MYO9B: variants seen among roughly 807,000 people sequenced by gnomAD.
MYO9B encodes the protein unconventional myosin-IXb.
A neutral mutation model predicts 229.5 loss-of-function variants in MYO9B; 71 were observed. The ratio of observed to expected loss-of-function variants is 0.31; its 90% confidence interval spans 0.26 to 0.38. The LOEUF is 0.38. Among genes scored for constraint, MYO9B ranks in the 10% least tolerant of loss-of-function variants. The pLI is 1.00. For missense variants in MYO9B, 2,255 were observed against 2,920.5 expected (o/e 0.77, Z 5.25); for synonymous variants, 1,185 against 1,235.8 (o/e 0.96, Z 0.86).
At chr19:17,137,013 T>C (rs933862552) in intron 2 of MYO9B, among the ~76,000 whole-genome samples, 2 of 152,128 alleles carry the variant, frequency 1.3e-5, no homozygotes, top group Non-Finnish European at 2.9e-5. Context: ...GCAGATCACC[T>C]GAGGTCAGAA....
intron 28 of MYO9B, among the ~76,000 whole-genome samples, chr19:17,202,639 C>A (rs893163291): frequency 1.3e-5 from 2 of 152,224 alleles, no homozygotes; most frequent in Non-Finnish European, 2.9e-5. Flanking sequence ...ACACCTACCT[C>A]CTGGTGGGGA....
intron 14 of MYO9B, among the ~76,000 whole-genome samples, chr19:17,178,740 AGG>A (rs1261425212): frequency 6.6e-6 from 1 of 152,044 alleles, no homozygotes; most frequent in Non-Finnish European, 1.5e-5. Context: ...CCCTTAAACT[AGG>A]GTTTCTCTGG....
chr19:17,190,207 G>T (rs184202537), intron 19 of MYO9B, among the ~76,000 whole-genome samples: 2 of 151,938 alleles, frequency 1.3e-5, no homozygotes, highest in Non-Finnish European at 2.9e-5. Context: ...GTGTGTGATG[G>T]GGGTGGTGCA....
intron 2 of MYO9B, among the ~76,000 whole-genome samples, chr19:17,107,069 A>T (rs759387524): frequency 6.6e-6 from 1 of 151,916 alleles, no homozygotes; most frequent in Non-Finnish European, 1.5e-5. Context: ...TCTCAAAATT[A>T]AAAATAAAAA....
At position 17,198,933 on chromosome 19, in the gene MYO9B, G is replaced by C. The variant is rs1394366341; in HGVS notation, c.4238+625G>C. Among the ~76,000 whole-genome samples, 4 of 152,088 alleles carry C rather than the reference G, an allele frequency of 2.6e-5. No homozygotes were observed. The South Asian group carries it at 6.2e-4, about 24-fold the overall frequency. On this transcript the variant is annotated intron_variant, in intron 24 of 39. Transcript: ENST00000682292. ...GACACGTGGCTGAATGGATGCAGTAGGTCACGCCTGTAATCTCAACACTTT... is the reference window on the plus strand; with the variant it reads ...GACACGTGGCTGAATGGATGCAGTACGTCACGCCTGTAATCTCAACACTTT...
At position 17,200,793 on chromosome 19, in the gene MYO9B, T is replaced by C. The variant is rs1355940312; in HGVS notation, c.4527T>C (p.Asn1509=). The C allele has an allele frequency of 6.2e-7, 1 of 1,613,880 alleles. No individual in the cohort carries two copies. The highest frequency in any genetic ancestry group is 2.2e-5 in the East Asian group (1 of 44,880). The change falls in exon 26 of 40, where the codon AAT becomes AAC. Residue 1509 remains asparagine (N), a synonymous_variant. Transcript: ENST00000682292. Reference sequence around the variant, plus strand: ...TGTTCCGCCAGATCACCAACGCCAATGAGCTCAAGTACCTGGACGAGTTCC... The same window carrying C: ...TGTTCCGCCAGATCACCAACGCCAACGAGCTCAAGTACCTGGACGAGTTCC... The part of the protein sequence containing the change: ...ESVFRQITNA[N]ELKYLDEFLL...
intron 2 of MYO9B, among the ~76,000 whole-genome samples, chr19:17,103,984 A>T (rs2057769804): frequency 1.3e-5 from 2 of 150,514 alleles, no homozygotes; most frequent in South Asian, 4.2e-4. Context: ...TGAACCCGGT[A>T]GGTGGAGGTT....
intron 2 of MYO9B, among the ~76,000 whole-genome samples, chr19:17,111,833 A>G (rs934276060): frequency 2.0e-5 from 3 of 152,082 alleles, no homozygotes; most frequent in Non-Finnish European, 4.4e-5. Flanking sequence ...TCCTGTCTCT[A>G]TGGATCTGCC....
chr19:17,196,302 T>C (rs2073042581), intron 22 of MYO9B, among the ~76,000 whole-genome samples: 1 of 151,280 alleles, frequency 6.6e-6, no homozygotes, highest in African/African-American at 2.4e-5. Flanking sequence ...ATACACATGA[T>C]GGATGAAGGG....
chr19:17,152,178 C>CTG (rs2072484068), intron 3 of MYO9B, among the ~76,000 whole-genome samples: 1 of 132,112 alleles, frequency 7.6e-6, no homozygotes. Flanking sequence ...CAGAGTAAGA[C>CTG]TCCATCACAA....
rs775228534 is a variant in MYO9B at position 17,194,874 on chromosome 19, G to A, written c.3447G>A (p.Glu1149=). The part of the protein sequence containing the change: ...EKVPSSREKR[E]SRRQRGLEHV... ...TCCCCAGCAGCCGGGAGAAGCGTGA[G>A]TCGCGTCGGCAAAGAGGGCTGGAGC... The change falls in exon 22 of 40, where the codon GAG becomes GAA. Residue 1149 remains glutamate, a synonymous_variant. Transcript: ENST00000682292. 28 of 1,613,338 alleles carry A rather than the reference G, an allele frequency of 1.7e-5. No individual in the cohort carries two copies. In the South Asian group the frequency reaches 3.1e-4, roughly 18 times the overall value.
intron 29 of MYO9B, 106 bp downstream of exon 29, chr19:17,202,989 G>T (rs1568300994): frequency 3.5e-6 from 5 of 1,437,946 alleles, no homozygotes; most frequent in Admixed American, 2.0e-5. Context: ...GCACGCGTAT[G>T]TGTGCGTGGA....
chr19:17,207,728 T>G (rs1024394545), intron 35 of MYO9B: 1 of 151,638 alleles, frequency 6.6e-6, no homozygotes, highest in African/African-American at 2.4e-5. Flanking sequence ...ATACAAAAAT[T>G]AGGCTGGACG....
At chr19:17,089,906 C>T (rs184225532) in intron 1 of MYO9B, among the ~76,000 whole-genome samples, 1 of 152,150 alleles carries the variant, frequency 6.6e-6, no homozygotes, top group African/African-American at 2.4e-5. Context: ...AAGGAAACCC[C>T]GTCCCCATTA....
chr19:17,210,288 T>C (rs1161951268), intron 36 of MYO9B, 45 bp from the exon 37 acceptor site: 4 of 1,534,614 alleles, frequency 2.6e-6, no homozygotes, highest in Non-Finnish European at 3.5e-6. Context: ...CATGCCTGTG[T>C]CTGTCTTGGC....
At position 17,193,140 on chromosome 19, in the gene MYO9B, T is replaced by C. The variant is rs2073005137; in HGVS notation, c.3128+78T>C. ...ACTCACCAAATTGCTGCCCGTGATA[T>C]ACCATCTGGCCTGTGGCACTAAGGG... is the stretch of plus-strand genomic sequence containing the variant. On this transcript the variant is annotated intron_variant, in intron 21 of 39. Coordinates refer to ENST00000682292, the MANE Select transcript of MYO9B (RefSeq NM_004145.4). This position sits in a 1 kb window ranked among gnomAD's most constrained non-coding sequence, Gnocchi z 4.3. 7.2e-7 allele frequency: 1 copy of C among 1,380,882 alleles called. No individual in the cohort carries two copies. Among genetic ancestry groups the C allele is most frequent in the Non-Finnish European group, 9.5e-7 (1 of 1,052,858 alleles). 85.5% of individuals were successfully genotyped at this position (1,380,882 alleles called of 1,614,324 possible). A position where few individuals can be genotyped will look rare whatever the true frequency, so the allele number is the denominator to read the frequency against.
chr19:17,091,165 G>A lies in MYO9B; in HGVS notation c.-58-10495G>A, dbSNP rs111492104. Among the ~76,000 whole-genome samples the A allele has an allele frequency of 5.8e-3, 891 of 152,328 alleles. 7 individuals are homozygous for A. Among genetic ancestry groups the A allele is most frequent in the African/African-American group, 0.02 (842 of 41,576 alleles). On this transcript the variant is annotated intron_variant, in intron 1 of 39. Coordinates refer to ENST00000682292, the MANE Select transcript of MYO9B (RefSeq NM_004145.4). ...GAGGCTCCCCAATCCAGGGAGGGAA[G>A]GATTCTTTCACAAAAGGCATGAAAA...
chr19:17,205,674 A>T (rs1460725754), intron 31 of MYO9B, among the ~76,000 whole-genome samples: 1 of 152,054 alleles, frequency 6.6e-6, no homozygotes, highest in Admixed American at 6.5e-5. Context: ...GTCAGGGTCT[A>T]CTTCTGTGAG....
intron 2 of MYO9B, among the ~76,000 whole-genome samples, chr19:17,139,407 C>T (rs2072310042): frequency 6.6e-6 from 1 of 152,172 alleles, no homozygotes; most frequent in African/African-American, 2.4e-5. Context: ...CAAGATCACA[C>T]CACCGCACTC....
Sources: gnomAD v4.1 joint callset for allele counts (sites outside exome capture counted in the v4.1 genomes callset) on GRCh38, gnomAD v4.1.1 for gene constraint, Gnocchi (gnomAD v3.1) non-coding constraint, MANE v1.5 for transcripts, NCBI Gene and HGNC (gene_info 2026-07-23, HGNC 2026-07-21) for gene names.